Variants in PRKAG2 observed in about 807,000 individuals in gnomAD.
The protein encoded by PRKAG2 is protein kinase AMP-activated non-catalytic subunit gamma 2, also known as 5'-AMP-activated protein kinase subunit gamma-2.
Under a neutral mutation model 69.6 loss-of-function variants are expected in PRKAG2, and 26 were observed. The ratio of observed to expected loss-of-function variants is 0.37; its 90% CI spans 0.27 to 0.52. The LOEUF (loss-of-function observed/expected upper bound fraction) is 0.52. Among genes scored for constraint, PRKAG2 ranks in the 20% least tolerant of loss-of-function variants. PRKAG2 has a pLI of 0.90. For missense variants in PRKAG2, 557 were observed against 740.0 expected (o/e 0.75, Z 2.87); for synonymous variants, 293 against 285.0 (o/e 1.03, Z -0.28).
chr7:151,641,335 C>T (rs899370887), intron 4 of PRKAG2, among the ~76,000 whole-genome samples: 1 of 150,302 alleles, frequency 6.7e-6, no homozygotes, highest in African/African-American at 2.5e-5. Context: ...GCAATCTCCA[C>T]CTCCCTGGTT....
chr7:151,833,746 G>C (rs1485147843), intron 1 of PRKAG2, among the ~76,000 whole-genome samples: 1 of 152,228 alleles, frequency 6.6e-6, no homozygotes, highest in Non-Finnish European at 1.5e-5. Context: ...GGGGAGGTTG[G>C]CACGAGGCAA....
chr7:151,801,038 A>G (rs943670812), intron 1 of PRKAG2, among the ~76,000 whole-genome samples: 1 of 152,242 alleles, frequency 6.6e-6, no homozygotes. Flanking sequence ...TTAAAAAGCA[A>G]TAGCAGCAAA....
In PRKAG2 at chr7:151,781,537, A is replaced by G. The variant is rs1041937185; in HGVS notation, c.187-106T>C. 55 of 1,361,218 alleles carry G rather than the reference A, an allele frequency of 4.0e-5. No homozygotes were observed. Among genetic ancestry groups the G allele is most frequent in the Non-Finnish European group, 5.2e-5 (52 of 990,928 alleles). The allele number at this position is 1,361,218 out of a possible 1,614,324, so 84.3% of individuals were successfully genotyped here. A position where few individuals can be genotyped will look rare whatever the true frequency, so the allele number is the denominator to read the frequency against. ...GTCCTCTCTCACATGCGGGCCCCCC[A>G]TAGTACCCTCCCAGAGAAACAGCCC... On this transcript the variant is annotated intron_variant, in intron 2 of 15. Coordinates refer to ENST00000287878, the MANE Select transcript of PRKAG2 (RefSeq NM_016203.4). The surrounding 1 kb of genome is among the most constrained non-coding windows in gnomAD (Gnocchi z 6.1).
At chr7:151,644,814 A>G (rs1397138325) in intron 4 of PRKAG2, among the ~76,000 whole-genome samples, 1 of 152,172 alleles carries the variant, frequency 6.6e-6, no homozygotes, top group Non-Finnish European at 1.5e-5. Context: ...TGAGAGTTCC[A>G]GTTGCTTCAT....
At chr7:151,815,088 G>T (rs1406701743) in intron 1 of PRKAG2, among the ~76,000 whole-genome samples, 1 of 152,198 alleles carries the variant, frequency 6.6e-6, no homozygotes, top group African/African-American at 2.4e-5. Context: ...CCTGTCCTTG[G>T]AGCACAAAGA....
chr7:151,875,208 A>C (rs901929234), intron 1 of PRKAG2, among the ~76,000 whole-genome samples: 7 of 152,244 alleles, frequency 4.6e-5, no homozygotes, highest in Admixed American at 1.3e-4. Context: ...TTCCAGCCCC[A>C]GAGCTTTCCA....
chr7:151,703,437 C>T (rs888138992), intron 3 of PRKAG2, among the ~76,000 whole-genome samples: 4 of 152,176 alleles, frequency 2.6e-5, no homozygotes, highest in Admixed American at 2.0e-4. Context: ...TCCGTCAAGC[C>T]CTCAGTTGTC....
In PRKAG2 at chr7:151,648,107, A is replaced by G. The variant is rs370027907; in HGVS notation, c.685-15969T>C. On this transcript the variant is annotated intron_variant, in intron 4 of 15. Coordinates refer to ENST00000287878, the MANE Select transcript of PRKAG2 (RefSeq NM_016203.4). The stretch of plus-strand genomic sequence containing the variant: ...TGTAACTAGAGTAGCTTCCAGTGTC[A>G]TTTGGCGGAGAGGAGGGGTGGGTGG... 2.6e-5 allele frequency among the ~76,000 whole-genome samples: 4 copies of G among 151,380 alleles called. No individual in the cohort carries two copies. In the South Asian group the frequency reaches 8.4e-4, roughly 32 times the overall value.
chr7:151,692,970 G>T (rs1012608819), intron 3 of PRKAG2, among the ~76,000 whole-genome samples: 6 of 152,156 alleles, frequency 3.9e-5, no homozygotes, highest in African/African-American at 1.4e-4. Flanking sequence ...AGACAGCTGT[G>T]CTCACACAGC....
intron 2 of PRKAG2, among the ~76,000 whole-genome samples, chr7:151,785,793 C>G (rs2151814902): frequency 6.6e-6 from 1 of 152,200 alleles, no homozygotes; most frequent in African/African-American, 2.4e-5. Flanking sequence ...CAGCCTGGAC[C>G]TCTGCGCCCT....
chr7:151,707,952 C>G (rs1485895567), intron 3 of PRKAG2, among the ~76,000 whole-genome samples: 1 of 152,236 alleles, frequency 6.6e-6, no homozygotes, highest in Non-Finnish European at 1.5e-5. Context: ...CTCGGCCCAA[C>G]CCAGACGGGG....
rs530599893 is a variant in PRKAG2, at chr7:151,850,570, C to T, written c.114+25937G>A. Among the ~76,000 whole-genome samples, 2 of 152,332 alleles carry T rather than the reference C, an allele frequency of 1.3e-5. No homozygotes were observed. The highest frequency in any genetic ancestry group is 2.1e-4 in the South Asian group (1 of 4,832). On this transcript the variant is annotated intron_variant, in intron 1 of 15. Coordinates refer to ENST00000287878, the MANE Select transcript of PRKAG2 (RefSeq NM_016203.4). This position sits in a 1 kb window ranked among gnomAD's most constrained non-coding sequence, Gnocchi z 4.1. ...CCAAGCTCACACTCAGCCAAGGAGC[C>T]CCGAGCCTGGATTGGAACCCAGATG...
At chr7:151,595,231 G>A in intron 6 of PRKAG2, 114 bp downstream of exon 6, 1 of 750,728 alleles carries the variant, frequency 1.3e-6, no homozygotes. Flanking sequence ...CACAGTGCCC[G>A]ATAGTGCAAA....
chr7:151,561,523 G>A (rs1804945371), intron 14 of PRKAG2, among the ~76,000 whole-genome samples: 3 of 152,228 alleles, frequency 2.0e-5, no homozygotes, highest in South Asian at 4.1e-4. Flanking sequence ...GATAGACTAC[G>A]TCCATCTCTA....
At chr7:151,573,478 C>T (rs369239615) in intron 8 of PRKAG2, among the ~76,000 whole-genome samples, 65 of 151,428 alleles carry the variant, frequency 4.3e-4, no homozygotes, top group African/African-American at 1.6e-3. Context: ...CTGTGCCTGG[C>T]CTGTATCTAC....
chr7:151,811,738 G>C (rs945258691), intron 1 of PRKAG2, among the ~76,000 whole-genome samples: 1 of 152,208 alleles, frequency 6.6e-6, no homozygotes, highest in African/African-American at 2.4e-5. Flanking sequence ...GGAAGGTATT[G>C]AGCCTTGAAC....
chr7:151,692,874 C>T (rs899134735), intron 3 of PRKAG2, among the ~76,000 whole-genome samples: 11 of 151,956 alleles, frequency 7.2e-5, no homozygotes, highest in African/African-American at 2.2e-4. Flanking sequence ...TACCAGGGGG[C>T]GGGGGAGTGC....
intron 3 of PRKAG2, among the ~76,000 whole-genome samples, chr7:151,761,712 C>T (rs986396096): frequency 1.3e-5 from 2 of 152,164 alleles, no homozygotes; most frequent in Non-Finnish European, 2.9e-5. Context: ...ACTGTGACGC[C>T]GTGGTCTCAG....
intron 4 of PRKAG2, among the ~76,000 whole-genome samples, chr7:151,642,045 A>AAC (rs1469727496): frequency 6.7e-6 from 1 of 149,930 alleles, no homozygotes; most frequent in Non-Finnish European, 1.5e-5. Flanking sequence ...AAAAAAAAAA[A>AAC]AAAAAAGGGG....
Sources: allele counts gnomAD v4.1 joint callset (sites outside exome capture counted in the v4.1 genomes callset), GRCh38; gene constraint gnomAD v4.1.1; non-coding constraint Gnocchi (gnomAD v3.1); transcripts MANE v1.5; gene names NCBI Gene and HGNC (gene_info 2026-07-23, HGNC 2026-07-21).